The following NMI variants were observed in gnomAD, a reference collection of about 807,000 sequenced individuals.
NMI encodes N-myc and STAT interactor.
In NMI, 39 loss-of-function variants were observed where a neutral mutation model predicts 34.3. The observed-to-expected ratio is 1.14, with a 90% CI of 0.88 to 1.49. The LOEUF (loss-of-function observed/expected upper bound fraction) is 1.49. Ranked by LOEUF, NMI falls within the 40% of genes most tolerant of loss-of-function variation. NMI has a pLI of 0.00. For missense variants in NMI, 339 were observed against 358.1 expected, an observed-to-expected ratio of 0.95 and a Z score of 0.43; for synonymous variants, 113 against 120.3, an observed-to-expected ratio of 0.94 and a Z score of 0.40.
intron 6 of NMI, among the ~76,000 whole-genome samples, chr2:151,273,987 T>C (rs1339774988): frequency 1.3e-5 from 2 of 152,142 alleles, no homozygotes; most frequent in South Asian, 4.1e-4. Flanking sequence ...CCCTTCCTTT[T>C]ATAGCTCTCC....
intron 1 of NMI, among the ~76,000 whole-genome samples, chr2:151,288,373 A>G (rs1683546836): frequency 6.6e-6 from 1 of 152,208 alleles, no homozygotes; most frequent in Non-Finnish European, 1.5e-5. Context: ...TCAGAGGCGC[A>G]ATGTTGCTGG....
intron 7 of NMI, among the ~76,000 whole-genome samples, 168 bp downstream of exon 7, chr2:151,271,458 C>T (rs1231532097): frequency 6.6e-6 from 1 of 152,088 alleles, no homozygotes; most frequent in Admixed American, 6.5e-5. Context: ...TTAAAATGCT[C>T]CTTCAAAAGA....
Position 151,270,607 on chromosome 2 carries a change from T to C in NMI, c.*86A>G, listed in dbSNP as rs769448549. ...TGGATGGTAAAAATTAAAGTTTTCA[T>C]TTTTTAAGGAAAAGCATATTCATTT... is the stretch of plus-strand genomic sequence containing the variant. On this transcript the variant is annotated 3_prime_UTR_variant, in exon 8 of 8. Coordinates refer to ENST00000243346, the MANE Select transcript of NMI (RefSeq NM_004688.3). 1.8e-6 allele frequency: 2 copies of C among 1,138,646 alleles called. No individual in the cohort carries two copies. The highest frequency in any genetic ancestry group is 3.1e-5 in the African/African-American group (2 of 63,736). The allele number at this position is 1,138,646 out of a possible 1,614,324, so 70.5% of individuals were successfully genotyped here.
At chr2:151,286,800 C>A (rs1683506673) in intron 1 of NMI, among the ~76,000 whole-genome samples, 2 of 152,170 alleles carry the variant, frequency 1.3e-5, no homozygotes, top group Admixed American at 6.5e-5. Flanking sequence ...TTACTAACCC[C>A]CTATAATCAT....
intron 1 of NMI, among the ~76,000 whole-genome samples, chr2:151,285,005 C>T (rs959366736): frequency 3.3e-5 from 5 of 152,190 alleles, no homozygotes; most frequent in African/African-American, 1.2e-4. Context: ...AACCAGGGCT[C>T]ATTGGAGCAA....
chr2:151,288,563 G>A (rs1182936539), intron 1 of NMI, among the ~76,000 whole-genome samples: 1 of 146,160 alleles, frequency 6.8e-6, no homozygotes, highest in Admixed American at 6.7e-5. Context: ...TTGTGTATGT[G>A]AGTGTGTGTG....
intron 1 of NMI, among the ~76,000 whole-genome samples, chr2:151,283,624 T>G (rs1488308330): frequency 6.6e-6 from 1 of 152,232 alleles, no homozygotes; most frequent in African/African-American, 2.4e-5. Flanking sequence ...TTCAAAGTTT[T>G]TGATTAAAAT....
In NMI at chr2:151,270,686, G is replaced by T; in HGVS notation, c.*7C>A. The T allele has an allele frequency of 6.2e-7, 1 of 1,602,590 alleles. No homozygotes were observed. Among genetic ancestry groups the T allele is most frequent in the African/African-American group, 1.3e-5 (1 of 74,684 alleles). On this transcript the variant is annotated 3_prime_UTR_variant, in exon 8 of 8. Coordinates refer to ENST00000243346, the MANE Select transcript of NMI (RefSeq NM_004688.3). ...AAAAAGCTATAGTTTTCATGATTCT[G>T]TTAAGTCTATTCTTCAAAGTATGCT...
At position 151,287,065 on chromosome 2, in the gene NMI, G is replaced by A. The variant is rs118168700; in HGVS notation, c.-7+2528C>T. Among the ~76,000 whole-genome samples the A allele has an allele frequency of 4.0e-3, 608 of 152,188 alleles. 10 individuals are homozygous for A. The East Asian group carries it at 0.058, about 15-fold the overall frequency. Reference sequence around the variant, plus strand: ...GATCTGATTATTAAATTGTAGTAACGTAGCACTCCACATTCCTGATTTTGA... The same window carrying A: ...GATCTGATTATTAAATTGTAGTAACATAGCACTCCACATTCCTGATTTTGA... On this transcript the variant is annotated intron_variant, in intron 1 of 7. Transcript: ENST00000243346.
intron 1 of NMI, among the ~76,000 whole-genome samples, chr2:151,288,641 AT>A (rs1683554331): frequency 6.6e-6 from 1 of 152,238 alleles, no homozygotes; most frequent in Middle Eastern, 3.4e-3. Context: ...GTAATTTGTT[AT>A]GGCAGCGAAT....
chr2:151,288,852 TCTGACACGCCAGCCATGA>T (rs1424788990), intron 1 of NMI: 1 of 152,162 alleles, frequency 6.6e-6, no homozygotes, highest in Non-Finnish European at 1.5e-5. Flanking sequence ...CCTTGCCTAT[TCTGACACGCCAGCCATGA>T]CTGCACAACA....
intron 4 of NMI, chr2:151,277,278 T>C (rs1316471241): frequency 2.6e-5 from 4 of 152,242 alleles, no homozygotes; most frequent in African/African-American, 9.6e-5. Flanking sequence ...TTTTTGCTAA[T>C]GACAACAGAC....
rs910344890 is a variant in NMI at position 151,275,523 on chromosome 2, G to A, written c.595C>T (p.Gln199Ter). ...GEVDRVDYDR[Q>*]SGSAVITFVE... ...AACGTGATGACTGCACTCCCGGACT[G>A]TCTGTCATAGTCCACGCGGTCCACC... Residue 199 changes from glutamine to a stop codon, truncating the protein, a stop_gained, in exon 6 of 8, where the codon CAG becomes TAG. Transcript: ENST00000243346. LOFTEE classifies it high-confidence loss of function. The A allele has an allele frequency of 3.2e-5, 52 of 1,614,012 alleles. No individual in the cohort carries two copies. Among genetic ancestry groups the A allele is most frequent in the Non-Finnish European group, 4.3e-5 (51 of 1,180,024 alleles).
chr2:151,287,804 A>G (rs1204809898), intron 1 of NMI, among the ~76,000 whole-genome samples: 1 of 152,232 alleles, frequency 6.6e-6, no homozygotes, highest in Non-Finnish European at 1.5e-5. Context: ...GTATAAGCTT[A>G]CACACTGAAA....
At chr2:151,275,914 T>C in intron 4 of NMI, 50 bp from the exon 5 acceptor site, 1 of 1,194,368 alleles carries the variant, frequency 8.4e-7, no homozygotes. Context: ...TTTTAAGAAT[T>C]GTTATGCTTT....
chr2:151,278,538 T>C (rs1683329370), intron 4 of NMI: 3 of 346,060 alleles, frequency 8.7e-6, no homozygotes, highest in Non-Finnish European at 5.5e-6. Flanking sequence ...AATATTACTA[T>C]CATTATTTGG....
At chr2:151,286,891 T>C (rs1180744074) in intron 1 of NMI, among the ~76,000 whole-genome samples, 1 of 152,184 alleles carries the variant, frequency 6.6e-6, no homozygotes, top group Admixed American at 6.5e-5. Context: ...CATCACTATG[T>C]GATTTTTTTC....
At position 151,271,735 on chromosome 2, in the gene NMI, A is replaced by G; in HGVS notation, c.635-3T>C. 8 of 1,432,440 alleles carry G rather than the reference A, an allele frequency of 5.6e-6. No individual in the cohort carries two copies. The highest frequency in any genetic ancestry group is 7.8e-6 in the Non-Finnish European group (8 of 1,024,304). The allele number at this position is 1,432,440 out of a possible 1,614,324, so 88.7% of individuals were successfully genotyped here. On this transcript the variant is annotated splice_polypyrimidine_tract_variant and splice_region_variant and intron_variant, in intron 6 of 7. Transcript: ENST00000243346. ...CTTTTTCAAAATCTTGTCAGCCACT[A>G]AAAGCAAAACAAAAACAATACTTGT... is the stretch of plus-strand genomic sequence containing the variant.
At chr2:151,289,291 A>G (rs867412939) in intron 1 of NMI, among the ~76,000 whole-genome samples, 16 of 150,512 alleles carry the variant, frequency 1.1e-4, no homozygotes, top group African/African-American at 3.6e-4. Flanking sequence ...GAAAACAGCG[A>G]GGAAACACAA....
Sources: gnomAD v4.1 joint callset for allele counts (sites outside exome capture counted in the v4.1 genomes callset) on GRCh38, gnomAD v4.1.1 for gene constraint, MANE v1.5 for transcripts, NCBI Gene and HGNC (gene_info 2026-07-23, HGNC 2026-07-21) for gene names.